The following VEPH1 variants were observed in gnomAD, a reference collection of about 807,000 sequenced individuals.
VEPH1 encodes the protein ventricular zone expressed PH domain containing 1.
A neutral mutation model predicts 85.2 loss-of-function variants in VEPH1; 80 were observed. The observed-to-expected ratio is 0.94, with a 90% CI of 0.78 to 1.13. The LOEUF is 1.13. VEPH1 is among the 50% of genes most tolerant of loss of function. The probability of loss-of-function intolerance (pLI) is 0.00; values close to 1 mark genes in which losing one functional copy is unlikely to be tolerated. For missense variants in VEPH1, 955 were observed against 980.5 expected (o/e 0.97, Z 0.35); for synonymous variants, 297 against 348.0 (o/e 0.85, Z 1.63).
rs138781624 is a variant in VEPH1 at position 157,363,582 on chromosome 3, G to A, written c.1517C>T (p.Ser506Phe). The A allele has an allele frequency of 4.3e-6, 7 of 1,614,144 alleles. No individual in the cohort carries two copies. The East Asian group carries it at 1.3e-4, about 31-fold the overall frequency. ...TDTERSQLGE[S>F]SVSYPNIIHI... The stretch of plus-strand genomic sequence containing the variant: ...TATAATATTTGGGTATGAAACTGAA[G>A]ACTCCCCCAGCTGTGATCTCTCAGT... The change falls in exon 9 of 14, where the codon TCT (serine) becomes TTT (phenylalanine). Residue 506 changes from serine to phenylalanine, a missense_variant. Coordinates refer to ENST00000362010, the MANE Select transcript of VEPH1 (RefSeq NM_001167912.2).
At chr3:157,460,384 A>C in intron 3 of VEPH1, 29 bp from the exon 4 acceptor site, 1 of 1,592,386 alleles carries the variant, frequency 6.3e-7, no homozygotes, top group East Asian at 2.2e-5. Context: ...GCCACAAATA[A>C]TAAGTGACTC....
chr3:157,401,983 G>T (rs1234625428), intron 6 of VEPH1, among the ~76,000 whole-genome samples: 1 of 152,148 alleles, frequency 6.6e-6, no homozygotes, highest in Non-Finnish European at 1.5e-5. Context: ...TATGTAAATG[G>T]TGGAAATAGA....
chr3:157,336,383 A>G (rs545501969), intron 9 of VEPH1, among the ~76,000 whole-genome samples: 22 of 152,230 alleles, frequency 1.4e-4, no homozygotes, highest in Non-Finnish European at 2.8e-4. Flanking sequence ...TGCCCCTCCA[A>G]TGATGCTTAG....
At chr3:157,443,125 C>A (rs1327401137) in intron 4 of VEPH1, 2 of 916,328 alleles carry the variant, frequency 2.2e-6, no homozygotes, top group African/African-American at 1.7e-5. Flanking sequence ...TTTGTACTGG[C>A]CAAATACTGA....
chr3:157,323,318 A>G (rs946362134), intron 9 of VEPH1, among the ~76,000 whole-genome samples: 5 of 152,242 alleles, frequency 3.3e-5, no homozygotes, highest in African/African-American at 1.2e-4. Flanking sequence ...ATGAGTGGAC[A>G]CTGCTTTAAT....
intron 7 of VEPH1, among the ~76,000 whole-genome samples, chr3:157,376,589 T>A (rs1728140214): frequency 6.6e-6 from 1 of 152,232 alleles, no homozygotes; most frequent in Non-Finnish European, 1.5e-5. Flanking sequence ...GTCCTGTTAT[T>A]TAGCCTCTGT....
intron 3 of VEPH1, among the ~76,000 whole-genome samples, chr3:157,469,835 G>A (rs1480277539): frequency 6.6e-6 from 1 of 152,102 alleles, no homozygotes; most frequent in Non-Finnish European, 1.5e-5. Flanking sequence ...AATTAACTGT[G>A]GTCAGAACGG....
intron 9 of VEPH1, among the ~76,000 whole-genome samples, chr3:157,320,830 G>A (rs544983388): frequency 2.6e-5 from 4 of 151,992 alleles, no homozygotes; most frequent in Admixed American, 1.3e-4. Flanking sequence ...GGTCTTCTTT[G>A]AGTCAAAATC....
At chr3:157,448,917 T>C (rs748246003) in intron 4 of VEPH1, among the ~76,000 whole-genome samples, 1 of 152,192 alleles carries the variant, frequency 6.6e-6, no homozygotes, top group Non-Finnish European at 1.5e-5. Flanking sequence ...GTTTCCCCCA[T>C]ACTATTCTCA....
intron 4 of VEPH1, among the ~76,000 whole-genome samples, chr3:157,435,665 T>A (rs1039954156): frequency 6.6e-6 from 1 of 152,226 alleles, no homozygotes; most frequent in Non-Finnish European, 1.5e-5. Flanking sequence ...GGCCCTAGCA[T>A]CAGCTCATGG....
intron 11 of VEPH1, among the ~76,000 whole-genome samples, chr3:157,312,900 A>ATTTTTTTTTTTTTTTTTTTTTTTTTTTT (rs140277345): frequency 1.0e-5 from 1 of 98,102 alleles, no homozygotes; most frequent in Non-Finnish European, 1.9e-5. Context: ...AAAAAAAAAC[A>ATTTTTTTTTTTTTTTTTTTTTTTTTTTT]TTTTTTTTTT....
At chr3:157,401,909 A>G (rs1412491329) in intron 6 of VEPH1, among the ~76,000 whole-genome samples, 2 of 152,118 alleles carry the variant, frequency 1.3e-5, no homozygotes, top group Non-Finnish European at 2.9e-5. Context: ...AAAGTCCGAA[A>G]TATGCTTGCC....
intron 7 of VEPH1, among the ~76,000 whole-genome samples, chr3:157,377,479 T>C (rs1001379344): frequency 2.0e-5 from 3 of 152,010 alleles, no homozygotes; most frequent in Admixed American, 2.0e-4. Context: ...GGCCTTGATA[T>C]GGTTATGCTT....
rs140803696 is a variant in VEPH1 at position 157,267,550 on chromosome 3, C to T, written c.2129-1888G>A. ...CTGTAATCCCAGCACTTTGGGAGGC[C>T]GAGGTGGGTGGATCTCCTGAGGTCA... On this transcript the variant is annotated intron_variant, in intron 12 of 13. Coordinates refer to ENST00000362010, the MANE Select transcript of VEPH1 (RefSeq NM_001167912.2). Among the ~76,000 whole-genome samples, 1,358 of 151,370 alleles carry T rather than the reference C, an allele frequency of 9.0e-3. 12 individuals are homozygous for T. The highest frequency in any genetic ancestry group is 0.015 in the Non-Finnish European group (1,003 of 67,864).
In VEPH1 at chr3:157,290,383, C is replaced by T. The variant is rs149880345; in HGVS notation, c.2011-3709G>A. ...CTGAATGGAGGACCCAGCTAAGTTA[C>T]AACTGAAATCCTGACACTCTGGTAC... On this transcript the variant is annotated intron_variant, in intron 11 of 13. Transcript: ENST00000362010. Among the ~76,000 whole-genome samples, 54 of 152,320 alleles carry T rather than the reference C, an allele frequency of 3.5e-4. 1 individual carries two copies. In the East Asian group the frequency reaches 0.01, roughly 29 times the overall value.
chr3:157,345,738 C>T (rs930091648), intron 9 of VEPH1, among the ~76,000 whole-genome samples: 3 of 152,124 alleles, frequency 2.0e-5, no homozygotes, highest in Non-Finnish European at 2.9e-5. Context: ...CACGTATGTT[C>T]ATTGCGGCAC....
chr3:157,496,084 T>G (rs536946018), intron 1 of VEPH1, among the ~76,000 whole-genome samples: 80 of 152,202 alleles, frequency 5.3e-4, no homozygotes, highest in Non-Finnish European at 1.0e-3. Flanking sequence ...AGCAATAAAA[T>G]AAAGATGCTG....
At chr3:157,389,910 T>C (rs1192972614) in intron 6 of VEPH1, among the ~76,000 whole-genome samples, 1 of 152,250 alleles carries the variant, frequency 6.6e-6, no homozygotes, top group Non-Finnish European at 1.5e-5. Context: ...TCTTCCCTTC[T>C]ACTTGGCTAC....
Position 157,414,079 on chromosome 3 carries a change from C to T in VEPH1, c.708G>A (p.Lys236=). The T allele has an allele frequency of 6.2e-7, 1 of 1,609,300 alleles. No individual in the cohort carries two copies. The highest frequency in any genetic ancestry group is 8.5e-7 in the Non-Finnish European group (1 of 1,176,998). The change falls in exon 6 of 14, where the codon AAG becomes AAA. Residue 236 remains lysine (K), a synonymous_variant. Coordinates refer to ENST00000362010, the MANE Select transcript of VEPH1 (RefSeq NM_001167912.2). ...AKKKQLEVVQ[K]CIPFLIGHLK... is the part of the protein sequence containing the mutation. Reference sequence around the variant, plus strand: ...AATGCCCAATTAGGAAAGGAATACACTTCTGAACTACCTATAAAGAGAGAG... The same window carrying T: ...AATGCCCAATTAGGAAAGGAATACATTTCTGAACTACCTATAAAGAGAGAG...
Sources: gnomAD v4.1 joint callset for allele counts (sites outside exome capture counted in the v4.1 genomes callset) on GRCh38, gnomAD v4.1.1 for gene constraint, MANE v1.5 for transcripts, NCBI Gene and HGNC (gene_info 2026-07-23, HGNC 2026-07-21) for gene names.